Variants in SHISA9 observed in about 807,000 individuals in gnomAD.
SHISA9 encodes the protein protein shisa-9.
In SHISA9, 13 loss-of-function variants were observed where a neutral mutation model predicts 38.0. That is an observed-to-expected ratio of 0.34 (90% CI 0.22 to 0.54). SHISA9 has a LOEUF of 0.54. Ranked by LOEUF, SHISA9 falls within the 20% of genes least tolerant of loss-of-function variation. The probability of loss-of-function intolerance (pLI) is 0.91; values close to 1 mark genes in which losing one functional copy is unlikely to be tolerated. For synonymous variants in SHISA9, 275 were observed against 242.0 expected, an observed-to-expected ratio of 1.14 and a Z score of -1.27; for missense variants, 538 against 575.8, an observed-to-expected ratio of 0.93 and a Z score of 0.67.
chr16:12,984,670 G>A (rs533321894), intron 2 of SHISA9, among the ~76,000 whole-genome samples: 7 of 152,256 alleles, frequency 4.6e-5, no homozygotes, highest in Admixed American at 4.6e-4. Flanking sequence ...AGAGCTACTG[G>A]GCTTTAATAA....
At chr16:12,926,078 C>T (rs140373137) in intron 2 of SHISA9, among the ~76,000 whole-genome samples, 9 of 152,250 alleles carry the variant, frequency 5.9e-5, no homozygotes, top group Non-Finnish European at 1.2e-4. Context: ...GTGTATTGCA[C>T]TCACATATTG....
chr16:13,203,567 G>T lies in SHISA9; in HGVS notation c.847+18G>T. 1 of 1,473,956 alleles carries T rather than the reference G, an allele frequency of 6.8e-7. No homozygotes were observed. Among genetic ancestry groups the T allele is most frequent in the Non-Finnish European group, 9.0e-7 (1 of 1,109,488 alleles). 91.3% of individuals were successfully genotyped at this position (1,473,956 alleles called of 1,614,324 possible). A position where few individuals can be genotyped will look rare whatever the true frequency, so the allele number is the denominator to read the frequency against. On this transcript the variant is annotated intron_variant, in intron 3 of 4. Coordinates refer to ENST00000558583, the MANE Select transcript of SHISA9 (RefSeq NM_001145204.3). Reference sequence around the variant, plus strand: ...GGCAGTCGGTAAGTGCCACCTGATGGATCTTTTTCTCTTTCTCCTCTTCGC... The same window carrying T: ...GGCAGTCGGTAAGTGCCACCTGATGTATCTTTTTCTCTTTCTCCTCTTCGC...
chr16:13,491,318 T>G, the SHISA9 span, among the ~76,000 whole-genome samples: 3 of 151,806 alleles, frequency 2.0e-5, no homozygotes, highest in Non-Finnish European at 4.4e-5. Context: ...AAACACTGAT[T>G]ACCATGTTGT....
the SHISA9 span, chr16:13,246,249 G>A: frequency 6.6e-6 from 1 of 152,138 alleles, no homozygotes; most frequent in African/African-American, 2.4e-5. Context: ...TTTCATGGAA[G>A]TGAATAAGTC....
chr16:12,939,025 C>T lies in SHISA9; in HGVS notation c.691+22210C>T, dbSNP rs569730343. Among the ~76,000 whole-genome samples the T allele has an allele frequency of 1.1e-4, 17 of 152,122 alleles. 1 individual carries two copies. Among genetic ancestry groups the T allele is most frequent in the Admixed American group, 9.2e-4 (14 of 15,248 alleles). On this transcript the variant is annotated intron_variant, in intron 2 of 4. Coordinates refer to ENST00000558583, the MANE Select transcript of SHISA9 (RefSeq NM_001145204.3). The stretch of plus-strand genomic sequence containing the variant: ...AGATGATGTTTTGGGGGAAAAACTC[C>T]ATCAGGAAGTAGTTTCATCTCTTCT...
chr16:13,016,920 A>C (rs950224739), intron 2 of SHISA9, among the ~76,000 whole-genome samples: 3 of 152,092 alleles, frequency 2.0e-5, no homozygotes, highest in African/African-American at 7.2e-5. Context: ...TTCAAAATAC[A>C]TTTTTAGGGA....
At chr16:13,095,153 A>G (rs983877881) in intron 2 of SHISA9, among the ~76,000 whole-genome samples, 1 of 152,234 alleles carries the variant, frequency 6.6e-6, no homozygotes, top group African/African-American at 2.4e-5. Context: ...TCCTGGCCAT[A>G]CTTGTGGGCA....
chr16:13,479,980 T>C, the SHISA9 span, among the ~76,000 whole-genome samples: 1 of 152,314 alleles, frequency 6.6e-6, no homozygotes, highest in Non-Finnish European at 1.5e-5. Context: ...CTTGGCCACT[T>C]ACTAGCTGCA....
At chr16:13,285,484 T>A in the SHISA9 span, among the ~76,000 whole-genome samples, 1 of 150,130 alleles carries the variant, frequency 6.7e-6, no homozygotes, top group South Asian at 2.1e-4. Context: ...TTTTTTTTTT[T>A]TTTTATAAAA....
At chr16:13,362,291 C>T in the SHISA9 span, among the ~76,000 whole-genome samples, 2 of 151,196 alleles carry the variant, frequency 1.3e-5, no homozygotes, top group African/African-American at 2.4e-5. Flanking sequence ...AAAAACCAGC[C>T]CAGCGTGGTG....
chr16:13,136,725 G>A (rs2050352891), intron 2 of SHISA9, among the ~76,000 whole-genome samples: 1 of 152,062 alleles, frequency 6.6e-6, no homozygotes, highest in Non-Finnish European at 1.5e-5. Flanking sequence ...TAGGTAGTCT[G>A]ATCACTTCAC....
chr16:13,554,310 A>C, the SHISA9 span, among the ~76,000 whole-genome samples: 1 of 151,190 alleles, frequency 6.6e-6, no homozygotes. Flanking sequence ...AAAAAAAAAA[A>C]AACACCTTTC....
At chr16:13,334,405 T>C in the SHISA9 span, among the ~76,000 whole-genome samples, 1 of 152,162 alleles carries the variant, frequency 6.6e-6, no homozygotes, top group Non-Finnish European at 1.5e-5. Flanking sequence ...GGTTCTTCTG[T>C]CTCCGAGCTT....
At chr16:12,913,385 T>C (rs940480399) in intron 1 of SHISA9, among the ~76,000 whole-genome samples, 4 of 152,126 alleles carry the variant, frequency 2.6e-5, no homozygotes, top group African/African-American at 9.7e-5. Context: ...TTAGTAGAGA[T>C]GGGGTTTCAC....
intron 2 of SHISA9, among the ~76,000 whole-genome samples, chr16:13,034,235 G>C (rs889237643): frequency 6.6e-6 from 1 of 152,048 alleles, no homozygotes; most frequent in African/African-American, 2.4e-5. Context: ...TTGGACTCCA[G>C]CTCATTTAGT....
intron 4 of SHISA9, among the ~76,000 whole-genome samples, chr16:13,233,578 C>T (rs1054075987): frequency 2.0e-5 from 3 of 152,204 alleles, no homozygotes; most frequent in African/African-American, 7.2e-5. Flanking sequence ...CTCAATTCTA[C>T]CACAGCAGAA....
At chr16:13,428,717 C>T in the SHISA9 span, among the ~76,000 whole-genome samples, 1 of 151,444 alleles carries the variant, frequency 6.6e-6, no homozygotes, top group Admixed American at 6.6e-5. Flanking sequence ...TATCCTGAGA[C>T]TAGTGGTGAA....
the SHISA9 span, among the ~76,000 whole-genome samples, chr16:13,395,206 C>T: frequency 6.6e-6 from 1 of 152,140 alleles, no homozygotes; most frequent in Non-Finnish European, 1.5e-5. Flanking sequence ...GTCCCAATTT[C>T]TGGGCTCTTG....
chr16:13,453,763 C>T, the SHISA9 span, among the ~76,000 whole-genome samples: 1 of 152,142 alleles, frequency 6.6e-6, no homozygotes, highest in African/African-American at 2.4e-5. Context: ...ATATAGGGGA[C>T]CACATAGGAG....
Sources: allele counts gnomAD v4.1 joint callset (sites outside exome capture counted in the v4.1 genomes callset), GRCh38; gene constraint gnomAD v4.1.1; transcripts MANE v1.5; gene names NCBI Gene and HGNC (gene_info 2026-07-23, HGNC 2026-07-21).